Variants in SMAD1 observed in about 807,000 individuals in gnomAD.
SMAD1 encodes MAD, mothers against decapentaplegic homolog 1.
In SMAD1, 6 loss-of-function variants were observed where a neutral mutation model predicts 41.6. The observed-to-expected ratio is 0.14, with a 90% CI of 0.08 to 0.28. The LOEUF (loss-of-function observed/expected upper bound fraction) is 0.28, where lower values mean the gene tolerates loss of function less well. Ranked by LOEUF, SMAD1 falls within the 10% of genes least tolerant of loss-of-function variation. The pLI is 1.00. For synonymous variants in SMAD1, 206 were observed against 203.2 expected, an observed-to-expected ratio of 1.01 and a Z score of -0.12; for missense variants, 379 against 582.6, an observed-to-expected ratio of 0.65 and a Z score of 3.60.
intron 2 of SMAD1, among the ~76,000 whole-genome samples, chr4:145,517,603 A>T (rs903611892): frequency 6.6e-6 from 1 of 152,158 alleles, no homozygotes; most frequent in Non-Finnish European, 1.5e-5. Context: ...GCATAATTTG[A>T]TAAATTTTTG....
rs754295612 is a variant in SMAD1, at chr4:145,540,048, T to C, written c.645T>C (p.Pro215=). The C allele has an allele frequency of 2.6e-5, 42 of 1,613,956 alleles. No homozygotes were observed. Among genetic ancestry groups the C allele is most frequent in the Non-Finnish European group, 3.6e-5 (42 of 1,179,980 alleles). The stretch of plus-strand genomic sequence containing the variant: ...CCACCAGCTCAGACCCAGGAAGCCC[T>C]TTCCAGATGCCAGGTAGGTTGGAAT... The part of the protein sequence containing the change: ...HSPTSSDPGS[P]FQMPADTPPP... Residue 215 remains proline (P), a synonymous_variant, in exon 3 of 7, where the codon CCT becomes CCC. Coordinates refer to ENST00000302085, the MANE Select transcript of SMAD1 (RefSeq NM_005900.3).
At position 145,514,483 on chromosome 4, in the gene SMAD1, A is replaced by G. The variant is rs1463352283; in HGVS notation, c.-131A>G. The stretch of plus-strand genomic sequence containing the variant: ...TTAAACACTAGGAATGGTAATTTCT[A>G]CTCTTCTGGACTTCAAACTAAGAAG... On this transcript the variant is annotated 5_prime_UTR_variant, in exon 2 of 7. Coordinates refer to ENST00000302085, the MANE Select transcript of SMAD1 (RefSeq NM_005900.3). This position sits in a 1 kb window ranked among gnomAD's most constrained non-coding sequence, Gnocchi z 4.7. 1.7e-5 allele frequency: 14 copies of G among 824,556 alleles called. No homozygotes were observed. Among genetic ancestry groups the G allele is most frequent in the East Asian group, 1.6e-4 (6 of 36,776 alleles). 51.1% of individuals were successfully genotyped at this position (824,556 alleles called of 1,614,324 possible). A position where few individuals can be genotyped will look rare whatever the true frequency, so the allele number is the denominator to read the frequency against.
At chr4:145,496,748 A>G (rs982579763) in intron 1 of SMAD1, among the ~76,000 whole-genome samples, 1 of 152,138 alleles carries the variant, frequency 6.6e-6, no homozygotes, top group Non-Finnish European at 1.5e-5. Context: ...CCAAGGGATG[A>G]CTATACTTCT....
chr4:145,514,548 T>A lies in SMAD1; in HGVS notation c.-66T>A. ...CTGTAAATAAACAAATCTCTTCTGC[T>A]GTCCTTTTGCATTTGGAGACAGCTT... On this transcript the variant is annotated 5_prime_UTR_variant, in exon 2 of 7. Transcript: ENST00000302085. The surrounding 1 kb of genome is among the most constrained non-coding windows in gnomAD (Gnocchi z 4.7). 7.1e-7 allele frequency: 1 copy of A among 1,403,974 alleles called. No individual in the cohort carries two copies. The highest frequency in any genetic ancestry group is 9.7e-7 in the Non-Finnish European group (1 of 1,033,462). The allele number at this position is 1,403,974 out of a possible 1,614,324, so 87.0% of individuals were successfully genotyped here. A position where few individuals can be genotyped will look rare whatever the true frequency, so the allele number is the denominator to read the frequency against.
intron 3 of SMAD1, 87 bp downstream of exon 3, chr4:145,540,148 G>A (rs923714449): frequency 1.3e-6 from 2 of 1,511,492 alleles, no homozygotes; most frequent in African/African-American, 2.7e-5. Flanking sequence ...ACCTGCAGTG[G>A]AGGGAGGTTT....
At chr4:145,540,333 G>C (rs1731852187) in intron 3 of SMAD1, among the ~76,000 whole-genome samples, 1 of 152,176 alleles carries the variant, frequency 6.6e-6, no homozygotes, top group South Asian at 2.1e-4. Flanking sequence ...CATCCTTCTG[G>C]GAGTGGCATA....
intron 2 of SMAD1, among the ~76,000 whole-genome samples, chr4:145,525,317 G>A (rs1730968851): frequency 6.6e-6 from 1 of 152,190 alleles, no homozygotes; most frequent in Non-Finnish European, 1.5e-5. Flanking sequence ...GAATTAGCCA[G>A]ATCATCAAAC....
intron 1 of SMAD1, among the ~76,000 whole-genome samples, chr4:145,501,701 G>T (rs116166292): frequency 6.7e-6 from 1 of 148,598 alleles, no homozygotes; most frequent in Non-Finnish European, 1.5e-5. Context: ...TTTCATCTGT[G>T]AATTTGATAT....
rs1340117371 is a variant in SMAD1 at position 145,542,737 on chromosome 4, A to C, written c.775+39A>C. 3 of 1,366,854 alleles carry C rather than the reference A, an allele frequency of 2.2e-6. No individual in the cohort carries two copies. In the African/African-American group the frequency reaches 4.3e-5, roughly 20 times the overall value. 84.7% of individuals were successfully genotyped at this position (1,366,854 alleles called of 1,614,324 possible). A position where few individuals can be genotyped will look rare whatever the true frequency, so the allele number is the denominator to read the frequency against. On this transcript the variant is annotated intron_variant, in intron 4 of 6. Transcript: ENST00000302085. ...CTGCCTGTTCCCTTTTTTAGAGTCTAAAGTTTGTCCAGATGTTACTTTCTC... is the reference window on the plus strand; with the variant it reads ...CTGCCTGTTCCCTTTTTTAGAGTCTCAAGTTTGTCCAGATGTTACTTTCTC...
intron 2 of SMAD1, among the ~76,000 whole-genome samples, chr4:145,528,776 T>C (rs1731170801): frequency 6.6e-6 from 1 of 152,214 alleles, no homozygotes; most frequent in Admixed American, 6.5e-5. Context: ...CTTATGGAAC[T>C]TTGTTAAAAC....
intron 2 of SMAD1, among the ~76,000 whole-genome samples, chr4:145,532,385 A>T (rs1270802712): frequency 6.6e-6 from 1 of 152,118 alleles, no homozygotes; most frequent in African/African-American, 2.4e-5. Context: ...ACAATTAGAC[A>T]TTTTCAAATG....
intron 1 of SMAD1, among the ~76,000 whole-genome samples, chr4:145,512,983 G>C (rs999951551): frequency 3.9e-5 from 6 of 152,176 alleles, no homozygotes; most frequent in African/African-American, 1.4e-4. Context: ...TCCTCCAGGA[G>C]CTTCCATTGA....
intron 2 of SMAD1, among the ~76,000 whole-genome samples, chr4:145,533,830 A>G (rs1560752470): frequency 6.6e-6 from 1 of 152,272 alleles, no homozygotes; most frequent in Non-Finnish European, 1.5e-5. Flanking sequence ...CATTGAAAAT[A>G]GCAACAACTT....
chr4:145,527,823 G>A (rs1167763560), intron 2 of SMAD1, among the ~76,000 whole-genome samples: 2 of 151,166 alleles, frequency 1.3e-5, no homozygotes, highest in Admixed American at 6.7e-5. Context: ...TGCCCTTGAA[G>A]TGTTTATGGA....
At chr4:145,522,493 A>G (rs1578786490) in intron 2 of SMAD1, among the ~76,000 whole-genome samples, 3 of 150,948 alleles carry the variant, frequency 2.0e-5, no homozygotes, top group African/African-American at 7.3e-5. Flanking sequence ...CCCAGCTCTC[A>G]GAGGCTGAGG....
intron 1 of SMAD1, among the ~76,000 whole-genome samples, chr4:145,488,323 T>C (rs1237174640): frequency 6.6e-6 from 1 of 152,166 alleles, no homozygotes; most frequent in Non-Finnish European, 1.5e-5. Flanking sequence ...CTCTGTTGAT[T>C]CAGAATATAT....
chr4:145,481,479 TAAAC>T (rs1344546146), upstream of SMAD1: 1 of 151,826 alleles, frequency 6.6e-6, no homozygotes, highest in Non-Finnish European at 1.5e-5. Flanking sequence ...TTTCAGAAAA[TAAAC>T]ATATGGAACA....
In SMAD1 at chr4:145,482,895, T is replaced by A. The variant is rs2126922013; in HGVS notation, c.-177+857T>A. The A allele has an allele frequency of 6.6e-6, 1 of 152,404 alleles. No individual in the cohort carries two copies. The highest frequency in any genetic ancestry group is 2.4e-5 in the African/African-American group (1 of 41,542). 9.4% of individuals were successfully genotyped at this position (152,404 alleles called of 1,614,324 possible). A position where few individuals can be genotyped will look rare whatever the true frequency, so the allele number is the denominator to read the frequency against. ...TTAGTGTTTCTCGGGGTTGTTTCTG[T>A]AGGAAGGTGGGGGTGGTGGGCGTGA... is the stretch of plus-strand genomic sequence containing the variant. On this transcript the variant is annotated intron_variant, in intron 1 of 6. Coordinates refer to ENST00000302085, the MANE Select transcript of SMAD1 (RefSeq NM_005900.3). This position sits in a 1 kb window ranked among gnomAD's most constrained non-coding sequence, Gnocchi z 4.2.
intron 4 of SMAD1, chr4:145,545,676 T>G (rs1732215017): frequency 6.6e-6 from 1 of 152,142 alleles, no homozygotes; most frequent in Admixed American, 6.6e-5. Flanking sequence ...GCTTCTCCCT[T>G]AGCAGTTGTA....
Sources: gnomAD v4.1 joint callset for allele counts (sites outside exome capture counted in the v4.1 genomes callset) on GRCh38, gnomAD v4.1.1 for gene constraint, Gnocchi (gnomAD v3.1) non-coding constraint, MANE v1.5 for transcripts, NCBI Gene and HGNC (gene_info 2026-07-23, HGNC 2026-07-21) for gene names.